JPH1: variants seen among roughly 807,000 people sequenced by gnomAD.
JPH1 encodes the protein junctophilin 1.
In JPH1, 12 loss-of-function variants were observed where a neutral mutation model predicts 53.6. The observed-to-expected ratio is 0.22, with a 90% confidence interval of 0.14 to 0.36. The LOEUF (loss-of-function observed/expected upper bound fraction) is 0.36. Ranked by LOEUF, JPH1 falls within the 10% of genes least tolerant of loss-of-function variation. The pLI is 1.00. For synonymous variants in JPH1, 375 were observed against 363.8 expected, an observed-to-expected ratio of 1.03 and a Z score of -0.35; for missense variants, 808 against 905.5, an observed-to-expected ratio of 0.89 and a Z score of 1.38.
At chr8:74,284,186 T>G (rs982118246) in intron 2 of JPH1, among the ~76,000 whole-genome samples, 1 of 152,244 alleles carries the variant, frequency 6.6e-6, no homozygotes, top group East Asian at 1.9e-4. Flanking sequence ...TATGCTTACA[T>G]GCATAACACA....
At chr8:74,306,438 C>A (rs1329195985) in intron 2 of JPH1, among the ~76,000 whole-genome samples, 1 of 152,114 alleles carries the variant, frequency 6.6e-6, no homozygotes, top group Non-Finnish European at 1.5e-5. Flanking sequence ...AATGGACATT[C>A]TTTGATAAAG....
intron 2 of JPH1, among the ~76,000 whole-genome samples, chr8:74,277,178 C>T (rs568777596): frequency 5.1e-4 from 77 of 152,304 alleles, no homozygotes; most frequent in African/African-American, 1.8e-3. Context: ...ATATGAAGCC[C>T]TCTGCCTGCA....
chr8:74,270,676 G>A lies in JPH1; in HGVS notation c.1140-11173C>T, dbSNP rs139980029. ...GGTAGAAAAGCAAGTCAGGATTCAA[G>A]CCAACTAAGTACAAGAATCATGTTA... On this transcript the variant is annotated intron_variant, in intron 2 of 5. Coordinates refer to ENST00000342232, the MANE Select transcript of JPH1 (RefSeq NM_020647.4). Among the ~76,000 whole-genome samples, 18 of 152,282 alleles carry A rather than the reference G, an allele frequency of 1.2e-4. No homozygotes were observed. In the East Asian group the frequency reaches 3.5e-3, roughly 29 times the overall value.
At chr8:74,303,772 G>T (rs1356771641) in intron 2 of JPH1, among the ~76,000 whole-genome samples, 1 of 152,024 alleles carries the variant, frequency 6.6e-6, no homozygotes, top group Admixed American at 6.6e-5. Flanking sequence ...TCTGTCTCCA[G>T]TTTCACTGCC....
At chr8:74,287,440 T>C (rs953029761) in intron 2 of JPH1, among the ~76,000 whole-genome samples, 25 of 151,586 alleles carry the variant, frequency 1.6e-4, no homozygotes, top group African/African-American at 5.6e-4. Flanking sequence ...AAAATTACTG[T>C]GAGTTAAAAA....
chr8:74,296,023 C>CACACACACAT (rs1441102943), intron 2 of JPH1, among the ~76,000 whole-genome samples: 1 of 151,414 alleles, frequency 6.6e-6, no homozygotes, highest in African/African-American at 2.4e-5. Flanking sequence ...AGTAAGGACA[C>CACACACACAT]ACACACACAC....
intron 2 of JPH1, among the ~76,000 whole-genome samples, chr8:74,287,665 G>A (rs1807207529): frequency 6.7e-6 from 1 of 149,280 alleles, no homozygotes; most frequent in African/African-American, 2.5e-5. Context: ...AATTAGTCTA[G>A]TTTCTTTTTT....
At chr8:74,249,850 A>G (rs1330576252) in intron 3 of JPH1, among the ~76,000 whole-genome samples, 1 of 152,180 alleles carries the variant, frequency 6.6e-6, no homozygotes, top group South Asian at 2.1e-4. Flanking sequence ...ACTGGTCCAT[A>G]ATAACCTGTG....
chr8:74,309,973 T>A (rs1456603354), intron 2 of JPH1, among the ~76,000 whole-genome samples: 1 of 152,178 alleles, frequency 6.6e-6, no homozygotes, highest in African/African-American at 2.4e-5. Context: ...AATTCTAAGT[T>A]ATAAGGCTCT....
intron 3 of JPH1, among the ~76,000 whole-genome samples, chr8:74,245,720 G>A (rs1318444478): frequency 2.0e-5 from 3 of 152,102 alleles, no homozygotes; most frequent in East Asian, 1.9e-4. Flanking sequence ...TGGAAAACAC[G>A]GATTTGCACA....
At chr8:74,307,101 TAG>T (rs1807860105) in intron 2 of JPH1, among the ~76,000 whole-genome samples, 1 of 152,212 alleles carries the variant, frequency 6.6e-6, no homozygotes, top group Non-Finnish European at 1.5e-5. Flanking sequence ...TAAAGCTCTG[TAG>T]ATTTAACTCT....
chr8:74,269,217 G>A (rs1000542878), intron 2 of JPH1, among the ~76,000 whole-genome samples: 29 of 152,318 alleles, frequency 1.9e-4, no homozygotes, highest in African/African-American at 4.8e-4. Context: ...TTCTGATGCC[G>A]AACAGTATGA....
At chr8:74,272,006 G>T (rs1238633561) in intron 2 of JPH1, among the ~76,000 whole-genome samples, 1 of 152,210 alleles carries the variant, frequency 6.6e-6, no homozygotes, top group East Asian at 1.9e-4. Context: ...ACAGAAACTC[G>T]AGGGGCGGTT....
intron 2 of JPH1, among the ~76,000 whole-genome samples, chr8:74,307,912 TAGTC>T (rs761273759): frequency 3.3e-4 from 51 of 152,300 alleles, no homozygotes; most frequent in Non-Finnish European, 4.9e-4. Flanking sequence ...ATATTGGTAA[TAGTC>T]AGTTTAATTT....
chr8:74,295,752 G>A (rs1364697154), intron 2 of JPH1, among the ~76,000 whole-genome samples: 1 of 152,136 alleles, frequency 6.6e-6, no homozygotes, highest in Non-Finnish European at 1.5e-5. Context: ...TTCTCTTGCA[G>A]CTTGCCTGCA....
In JPH1 at chr8:74,315,491, T is replaced by C; in HGVS notation, c.509A>G (p.Gln170Arg). 1.2e-6 allele frequency: 2 copies of C among 1,606,550 alleles called. No individual in the cohort carries two copies. The highest frequency in any genetic ancestry group is 1.7e-6 in the Non-Finnish European group (2 of 1,177,238). ...GTCGTGGAGCACGCTGCCATTGCTC[T>C]GCTCGCTGCGCAGCGAGGCCAGCGA... ...RTSLASLRSE[Q>R]SNGSVLHDAA... Residue 170 changes from glutamine to arginine, a missense_variant, in exon 2 of 6, where the codon CAG becomes CGG. By Grantham distance (43) the Gln-to-Arg change is conservative (BLOSUM62 1). Around this residue, in one of 2 missense-constraint regions of JPH1, gnomAD observed 756 missense variants for 811.9 expected, o/e 0.93. Transcript: ENST00000342232. This position sits in a 1 kb window ranked among gnomAD's most constrained non-coding sequence, Gnocchi z 6.3.
chr8:74,261,419 C>T (rs1346737880), intron 2 of JPH1, among the ~76,000 whole-genome samples: 1 of 152,118 alleles, frequency 6.6e-6, no homozygotes, highest in African/African-American at 2.4e-5. Flanking sequence ...AAAATAAAGT[C>T]ATTAAAAATG....
chr8:74,255,691 A>G (rs1806199024), intron 3 of JPH1, among the ~76,000 whole-genome samples: 1 of 152,178 alleles, frequency 6.6e-6, no homozygotes, highest in African/African-American at 2.4e-5. Flanking sequence ...ACTCAAACAA[A>G]TTTACAAGAA....
rs1352205258 is a variant in JPH1 at position 74,321,518 on chromosome 8, T to C, written c.-231A>G. 8 of 453,452 alleles carry C rather than the reference T, an allele frequency of 1.8e-5. No homozygotes were observed. The East Asian group carries it at 3.0e-4, about 17-fold the overall frequency. The allele number at this position is 453,452 out of a possible 1,614,324, so 28.1% of individuals were successfully genotyped here. On this transcript the variant is annotated 5_prime_UTR_variant, in exon 1 of 6. Coordinates refer to ENST00000342232, the MANE Select transcript of JPH1 (RefSeq NM_020647.4). This position sits in a 1 kb window ranked among gnomAD's most constrained non-coding sequence, Gnocchi z 4.3. ...CTCCTCCTCCTTCGCCGCCGCCGCC[T>C]GGGCCAGCGCCGCGCGCGAGAGGAC...
Sources: allele counts gnomAD v4.1 joint callset (sites outside exome capture counted in the v4.1 genomes callset), GRCh38; gene constraint gnomAD v4.1.1; regional missense constraint gnomAD v4.1.1; non-coding constraint Gnocchi (gnomAD v3.1); transcripts MANE v1.5; gene names NCBI Gene and HGNC (gene_info 2026-07-23, HGNC 2026-07-21).